Variants in EPB41L4A observed in about 807,000 individuals in gnomAD.
EPB41L4A encodes the protein erythrocyte membrane protein band 4.1 like 4A, also known as band 4.1-like protein 4A.
EPB41L4A carries 100 observed loss-of-function variants against 108.6 expected under a neutral mutation model. The observed-to-expected ratio is 0.92, with a 90% confidence interval of 0.78 to 1.09. EPB41L4A has a LOEUF of 1.09. Among genes scored for constraint, EPB41L4A ranks in the 50% least tolerant of loss-of-function variants. The pLI is 0.00. For synonymous variants in EPB41L4A, 319 were observed against 289.0 expected, an observed-to-expected ratio of 1.10 and a Z score of -1.05; for missense variants, 1,030 against 842.7, an observed-to-expected ratio of 1.22 and a Z score of -2.75.
At chr5:112,276,532 C>T (rs1413408523) in intron 3 of EPB41L4A, among the ~76,000 whole-genome samples, 2 of 152,038 alleles carry the variant, frequency 1.3e-5, no homozygotes, top group East Asian at 3.8e-4. Context: ...CCTGGTATAC[C>T]AATTAGTGGT....
chr5:112,269,648 ATAAT>A (rs1050701688), intron 4 of EPB41L4A, among the ~76,000 whole-genome samples: 5 of 152,160 alleles, frequency 3.3e-5, no homozygotes, highest in African/African-American at 1.2e-4. Context: ...TTATGAATAT[ATAAT>A]TATTAATAAC....
At chr5:112,272,497 G>A (rs1349046736) in intron 4 of EPB41L4A, among the ~76,000 whole-genome samples, 1 of 151,660 alleles carries the variant, frequency 6.6e-6, no homozygotes, top group Non-Finnish European at 1.5e-5. Flanking sequence ...GTTAATTATG[G>A]AATACAATGT....
intron 1 of EPB41L4A, 46 bp downstream of exon 1, chr5:112,418,895 C>A (rs573991369): frequency 6.6e-7 from 1 of 1,507,118 alleles, no homozygotes; most frequent in Non-Finnish European, 9.2e-7. Flanking sequence ...GACCCCCGCA[C>A]CCGCCCTGCC....
At chr5:112,154,695 C>A (rs1362411110) in intron 12 of EPB41L4A, among the ~76,000 whole-genome samples, 1 of 152,018 alleles carries the variant, frequency 6.6e-6, no homozygotes, top group Non-Finnish European at 1.5e-5. Context: ...TTTTTTAAAT[C>A]TGAAATAAAA....
intron 1 of EPB41L4A, among the ~76,000 whole-genome samples, chr5:112,330,493 G>C (rs947517416): frequency 3.3e-5 from 5 of 152,072 alleles, no homozygotes; most frequent in Admixed American, 2.6e-4. Context: ...AGGATGCAGG[G>C]TATCAGTGGC....
At chr5:112,328,754 A>C (rs1272595020) in intron 1 of EPB41L4A, among the ~76,000 whole-genome samples, 1 of 152,240 alleles carries the variant, frequency 6.6e-6, no homozygotes, top group Non-Finnish European at 1.5e-5. Context: ...CAAAGCTTCT[A>C]GTAAAACTTC....
At chr5:112,391,295 C>T (rs1191420822) in intron 1 of EPB41L4A, among the ~76,000 whole-genome samples, 4 of 152,146 alleles carry the variant, frequency 2.6e-5, no homozygotes. Context: ...GGAGAAGTTC[C>T]TTGCAAACCC....
intron 17 of EPB41L4A, among the ~76,000 whole-genome samples, chr5:112,185,054 A>G (rs1197580992): frequency 6.6e-6 from 1 of 151,958 alleles, no homozygotes; most frequent in African/African-American, 2.4e-5. Context: ...ATTTATGTGA[A>G]ATACTGTCTT....
chr5:112,272,700 G>C (rs981647437), intron 4 of EPB41L4A, among the ~76,000 whole-genome samples: 1 of 136,738 alleles, frequency 7.3e-6, no homozygotes, highest in African/African-American at 2.7e-5. Context: ...AGAATCACTT[G>C]AACATAGGAG....
In EPB41L4A at chr5:112,164,831, C is replaced by CAAA. The variant is rs5870486; in HGVS notation, c.*156_*158dup. On this transcript the variant is annotated 3_prime_UTR_variant, in exon 23 of 23. Coordinates refer to ENST00000261486, the MANE Select transcript of EPB41L4A (RefSeq NM_022140.5). The stretch of plus-strand genomic sequence containing the variant: ...CCTGGGCGACAGAGTGATAACATCT[C>CAAA]AAAAAAAAAAAAAAAAAGAAGCAAA... 3.4e-4 allele frequency: 169 copies of CAAA among 490,080 alleles called. No homozygotes were observed. Among genetic ancestry groups the CAAA allele is most frequent in the African/African-American group, 1.1e-3 (39 of 36,572 alleles). 30.4% of individuals were successfully genotyped at this position (490,080 alleles called of 1,614,324 possible).
At chr5:112,204,035 G>GC (rs1762346560) in intron 15 of EPB41L4A, among the ~76,000 whole-genome samples, 1 of 148,118 alleles carries the variant, frequency 6.8e-6, no homozygotes, top group Non-Finnish European at 1.5e-5. Context: ...GTGAAACTCC[G>GC]TCTCAAAAAA....
exon 14 of EPB41L4A, chr5:112,143,777 G>T (rs909676304): frequency 2.4e-6 from 1 of 419,552 alleles, no homozygotes; most frequent in Middle Eastern, 3.5e-4. Context: ...CTTGAGTCAC[G>T]TGTTAATACC....
At chr5:112,157,670 C>T (rs1180840170), downstream of EPB41L4A, among the ~76,000 whole-genome samples, 1 of 152,216 alleles carries the variant, frequency 6.6e-6, no homozygotes, top group African/African-American at 2.4e-5. Context: ...TCTGCCAAAT[C>T]TCTAACTCTT....
In EPB41L4A at chr5:112,419,026, C is replaced by T. The variant is rs1336121284; in HGVS notation, c.14G>A (p.Cys5Tyr). The stretch of plus-strand genomic sequence containing the variant: ...GCAGTAAAATTCTTCCGGAACAGCG[C>T]AGAAACAGCCCATGTCGGTTGTGGT... MGCF[C>Y]AVPEEFYCEV... is the part of the protein sequence containing the mutation. Residue 5 changes from cysteine (C) to tyrosine (Y), a missense_variant, in exon 1 of 23, where the codon TGC becomes TAC. Coordinates refer to ENST00000261486, the MANE Select transcript of EPB41L4A (RefSeq NM_022140.5). 2 of 1,613,492 alleles carry T rather than the reference C, an allele frequency of 1.2e-6. No individual in the cohort carries two copies. Among genetic ancestry groups the T allele is most frequent in the Non-Finnish European group, 1.7e-6 (2 of 1,179,622 alleles).
intron 2 of EPB41L4A, among the ~76,000 whole-genome samples, chr5:112,304,603 G>A (rs1432119333): frequency 6.6e-6 from 1 of 152,004 alleles, no homozygotes; most frequent in African/African-American, 2.4e-5. Context: ...AATCTCAAAG[G>A]TATTTAAGAA....
intron 13 of EPB41L4A, among the ~76,000 whole-genome samples, chr5:112,205,758 T>C (rs916527217): frequency 6.6e-6 from 1 of 152,286 alleles, no homozygotes; most frequent in Middle Eastern, 3.4e-3. Flanking sequence ...GGTCCATCAA[T>C]TGTTAAGAAA....
At chr5:112,172,407 G>A (rs1470321649) in intron 18 of EPB41L4A, among the ~76,000 whole-genome samples, 1 of 151,834 alleles carries the variant, frequency 6.6e-6, no homozygotes, top group Non-Finnish European at 1.5e-5. Context: ...AACTGCTTAG[G>A]AGGTTGAGGC....
chr5:112,237,970 A>T (rs557187240), intron 11 of EPB41L4A, among the ~76,000 whole-genome samples: 2 of 152,344 alleles, frequency 1.3e-5, no homozygotes, highest in African/African-American at 4.8e-5. Flanking sequence ...AATGATACTT[A>T]ATATGCAAAA....
intron 1 of EPB41L4A, among the ~76,000 whole-genome samples, chr5:112,359,330 A>G (rs1048491005): frequency 4.6e-5 from 7 of 152,238 alleles, no homozygotes; most frequent in Non-Finnish European, 7.3e-5. Context: ...CTAAATTTTC[A>G]GTTGAGTGCT....
Sources: allele counts gnomAD v4.1 joint callset (sites outside exome capture counted in the v4.1 genomes callset), GRCh38; gene constraint gnomAD v4.1.1; transcripts MANE v1.5; gene names NCBI Gene and HGNC (gene_info 2026-07-23, HGNC 2026-07-21).